Variants in ERICH1 observed in about 807,000 individuals in gnomAD.
ERICH1 encodes glutamate rich 1.
A neutral mutation model predicts 39.6 loss-of-function variants in ERICH1; 56 were observed. The ratio of observed to expected loss-of-function variants is 1.41; its 90% CI spans 1.14 to 1.77. The LOEUF is 1.77. Ranked by LOEUF, ERICH1 falls within the 40% of genes most tolerant of loss-of-function variation. ERICH1 has a pLI of 0.00. For synonymous variants in ERICH1, 313 were observed against 223.6 expected (o/e 1.40, Z -3.57); for missense variants, 826 against 575.4 (o/e 1.44, Z -4.45).
chr8:649,970 T>C (rs748776702), intron 3 of ERICH1, among the ~76,000 whole-genome samples: 1 of 152,206 alleles, frequency 6.6e-6, no homozygotes, highest in Non-Finnish European at 1.5e-5. Context: ...CCGCGACATC[T>C]GGCACCTGGG....
At chr8:688,109 G>T (rs1807920303) in intron 3 of ERICH1, among the ~76,000 whole-genome samples, 1 of 152,326 alleles carries the variant, frequency 6.6e-6, no homozygotes, top group Admixed American at 6.5e-5. Flanking sequence ...CAAAAACACG[G>T]GAGACAGGAG....
chr8:684,101 A>G (rs2131980602), intron 3 of ERICH1, among the ~76,000 whole-genome samples: 1 of 152,370 alleles, frequency 6.6e-6, no homozygotes, highest in Non-Finnish European at 1.5e-5. Flanking sequence ...AAAACAATTC[A>G]CATTTAGTCA....
chr8:668,163 TG>T, intron 5 of ERICH1: 2 of 256,938 alleles, frequency 7.8e-6, no homozygotes, highest in South Asian at 4.7e-5. Context: ...CACAACAGTT[TG>T]CATGAAAAGG....
chr8:671,665 C>T (rs62487380), intron 4 of ERICH1: 40 of 165,734 alleles, frequency 2.4e-4, no homozygotes, highest in African/African-American at 5.8e-4. Flanking sequence ...CTGCCGGCCC[C>T]GGCCCTAATG....
At chr8:675,038 G>C (rs62487385) in intron 3 of ERICH1, among the ~76,000 whole-genome samples, 1,944 of 147,964 alleles carry the variant, frequency 0.013, 31 homozygotes, top group Middle Eastern at 0.021. Context: ...GGCTTGAAAC[G>C]GGCGGCTGGG....
chr8:715,066 C>T (rs1432377958), intron 2 of ERICH1, among the ~76,000 whole-genome samples: 4 of 151,674 alleles, frequency 2.6e-5, no homozygotes, highest in Non-Finnish European at 5.9e-5. Context: ...GGATGTGCCG[C>T]ACCCAGGTGG....
At position 673,467 on chromosome 8, in the gene ERICH1, C is replaced by G. The variant is rs767337318; in HGVS notation, c.885G>C (p.Glu295Asp). The change falls in exon 4 of 6, where the codon GAG (glutamate) becomes GAC (aspartate). Residue 295 changes from glutamate to aspartate, a missense_variant. Physicochemically the swap from Glu to Asp is conservative, Grantham distance 45 (BLOSUM62 2). Transcript: ENST00000262109. ...CCTCGCTGGCGTCCGCACCGTCCTC[C>G]TCCCTGGTGTCTTTACCGTCTTCCT... Reference protein sequence around the residue: ...AGEEDGKDTREEDGADASEED... With the variant: ...AGEEDGKDTRDEDGADASEED... 6.2e-7 allele frequency: 1 copy of G among 1,611,876 alleles called. No homozygotes were observed. Among genetic ancestry groups the G allele is most frequent in the East Asian group, 2.2e-5 (1 of 44,870 alleles).
chr8:615,042 A>G (rs1376695322), exon 4 of ERICH1: 1 of 465,258 alleles, frequency 2.1e-6, no homozygotes, highest in Non-Finnish European at 3.8e-6. Context: ...AGACGTGGCT[A>G]CGCTCCCAGC....
rs754816674 is a variant in ERICH1 at position 715,847 on chromosome 8, G to A, written c.169+14C>T. ...CAGTTTCTGAGACCCACCCACATCTGCAGACAAACTCACCTGTCAAAGGCT... is the reference window on the plus strand; with the variant it reads ...CAGTTTCTGAGACCCACCCACATCTACAGACAAACTCACCTGTCAAAGGCT... On this transcript the variant is annotated intron_variant, in intron 2 of 5. Transcript: ENST00000262109. 1 of 1,603,386 alleles carries A rather than the reference G, an allele frequency of 6.2e-7. No individual in the cohort carries two copies. The highest frequency in any genetic ancestry group is 8.5e-7 in the Non-Finnish European group (1 of 1,176,032).
chr8:722,953 C>G (rs898518056), intron 1 of ERICH1, among the ~76,000 whole-genome samples: 9 of 152,198 alleles, frequency 5.9e-5, no homozygotes, highest in Admixed American at 4.6e-4. Context: ...GAAAAACATA[C>G]TGACTTGGTT....
intron 2 of ERICH1, among the ~76,000 whole-genome samples, chr8:705,281 C>G (rs1346592136): frequency 6.6e-6 from 1 of 152,266 alleles, no homozygotes; most frequent in Non-Finnish European, 1.5e-5. Context: ...GCCCTGATAT[C>G]CAGCAGGACT....
chr8:727,560 G>T (rs952065664), intron 1 of ERICH1, among the ~76,000 whole-genome samples: 21 of 152,334 alleles, frequency 1.4e-4, no homozygotes, highest in African/African-American at 4.8e-4. Flanking sequence ...ACCTGCAAGG[G>T]CGAGTGAAGC....
At chr8:626,064 T>G (rs1357759611) in intron 3 of ERICH1, 1 of 152,242 alleles carries the variant, frequency 6.6e-6, no homozygotes, top group African/African-American at 2.4e-5. Flanking sequence ...TATAAATCTT[T>G]TGAACATGTG....
Position 635,503 on chromosome 8 carries a change from C to T in ERICH1, c.977-20219G>A, listed in dbSNP as rs147400994. 4.0e-3 allele frequency among the ~76,000 whole-genome samples: 613 copies of T among 152,348 alleles called. 3 individuals are homozygous for T. Among genetic ancestry groups the T allele is most frequent in the Non-Finnish European group, 6.0e-3 (405 of 68,020 alleles). Reference sequence around the variant, plus strand: ...CCCCACCCAGTCCCCACCTGTCCTCCCTCATACATGGGTGGTCTTGGGAGC... The same window carrying T: ...CCCCACCCAGTCCCCACCTGTCCTCTCTCATACATGGGTGGTCTTGGGAGC... On this transcript the variant is annotated intron_variant, in intron 3 of 3. Coordinates refer to the ERICH1 transcript ENST00000522706.
intron 3 of ERICH1, among the ~76,000 whole-genome samples, chr8:688,206 G>A (rs1429005850): frequency 8.6e-5 from 12 of 139,330 alleles, no homozygotes; most frequent in East Asian, 6.0e-4. Context: ...AGGCCCCTGA[G>A]CCGCCCACGC....
downstream of ERICH1, among the ~76,000 whole-genome samples, chr8:663,101 A>G (rs1414750396): frequency 6.6e-6 from 1 of 152,238 alleles, no homozygotes; most frequent in African/African-American, 2.4e-5. Flanking sequence ...CTGCAAGGCC[A>G]CCAGATCCAA....
chr8:627,064 C>T (rs1183850954), intron 3 of ERICH1: 1 of 453,174 alleles, frequency 2.2e-6, no homozygotes, highest in Non-Finnish European at 4.4e-6. Flanking sequence ...GGCTTCCGTG[C>T]TCTGGGCTCC....
chr8:664,673 TG>T lies in ERICH1; in HGVS notation c.1261del (p.His421MetfsTer4). The T allele has an allele frequency of 6.2e-7, 1 of 1,607,942 alleles. No homozygotes were observed. The highest frequency in any genetic ancestry group is 8.5e-7 in the Non-Finnish European group (1 of 1,177,668). ...FPEHCTMPPD[H>X]ARVISAFFSY... Reference sequence around the variant, plus strand: ...AAAGAAAGCTGAGATTACTCTGGCATGGTCTAGAAAGCAAAAAACACAAAAC... The same window carrying T: ...AAAGAAAGCTGAGATTACTCTGGCATGTCTAGAAAGCAAAAAACACAAAAC... On this transcript the variant is annotated frameshift_variant and splice_region_variant, in exon 6 of 6. Transcript: ENST00000262109. LOFTEE classifies it high-confidence loss of function.
chr8:633,527 C>T (rs1798184201), intron 3 of ERICH1, among the ~76,000 whole-genome samples: 1 of 152,122 alleles, frequency 6.6e-6, no homozygotes. Context: ...CTCAGAGAAA[C>T]AGAAAAACCC....
Sources: allele counts gnomAD v4.1 joint callset (sites outside exome capture counted in the v4.1 genomes callset), GRCh38; gene constraint gnomAD v4.1.1; transcripts MANE v1.5; gene names NCBI Gene and HGNC (gene_info 2026-07-23, HGNC 2026-07-21).